The following APC2 variants were observed in gnomAD, a reference collection of about 807,000 sequenced individuals.
APC2 encodes the protein adenomatous polyposis coli protein 2.
A neutral mutation model predicts 72.5 loss-of-function variants in APC2; 41 were observed. That is an observed-to-expected ratio of 0.57 (90% confidence interval 0.44 to 0.73). APC2 has a LOEUF of 0.73. Ranked by LOEUF, APC2 falls within the 30% of genes least tolerant of loss-of-function variation. The pLI, the probability that APC2 is intolerant of heterozygous loss-of-function variation, is 0.00. For synonymous variants in APC2, 1,898 were observed against 1,612.0 expected (o/e 1.18, Z -4.25); for missense variants, 3,729 against 3,403.4 (o/e 1.10, Z -2.38).
Position 1,455,496 on chromosome 19 carries a change from C to T in APC2, c.635C>T (p.Ala212Val), listed in dbSNP as rs1405910547. ...FGTSDEMVQRAQIRASRLEQI... is the reference protein window; with the variant it reads ...FGTSDEMVQRVQIRASRLEQI... The stretch of plus-strand genomic sequence containing the variant: ...ACCTCGGACGAGATGGTGCAGCGGG[C>T]ACAGGTGCGGCGGTGGGCGGGGTGG... The change falls in exon 6 of 15, where the codon GCA becomes GTA. Residue 212 changes from alanine (A) to valine (V), a missense_variant. Transcript: ENST00000590469. 1 of 1,600,346 alleles carries T rather than the reference C, an allele frequency of 6.2e-7. No homozygotes were observed. The highest frequency in any genetic ancestry group is 1.1e-5 in the South Asian group (1 of 89,332).
Position 1,468,859 on chromosome 19 carries a change from C to T in APC2, c.5558C>T (p.Ala1853Val). Residue 1853 changes from alanine to valine, a missense_variant, in exon 15 of 15, where the codon GCG (alanine) becomes GTG (valine). By Grantham distance (64) the Ala-to-Val change is moderately conservative (BLOSUM62 0). Transcript: ENST00000590469. ...LHRPAKTSEL[A>V]TLSQPPRSAT... is the part of the protein sequence containing the mutation. ...CGGCCTGCCAAGACCTCGGAGCTGG[C>T]GACGCTGAGCCAGCCCCCCAGAAGC... 3 of 1,544,654 alleles carry T rather than the reference C, an allele frequency of 1.9e-6. No homozygotes were observed. Among genetic ancestry groups the T allele is most frequent in the Non-Finnish European group, 2.6e-6 (3 of 1,152,772 alleles).
At chr19:1,450,512 C>G (rs937542126) in intron 1 of APC2, among the ~76,000 whole-genome samples, 174 bp downstream of exon 1, 8 of 152,212 alleles carry the variant, frequency 5.3e-5, no homozygotes, top group African/African-American at 1.7e-4. Flanking sequence ...TTTCTGCAGC[C>G]GGTCCTGCGC....
In APC2 at chr19:1,456,966, C is replaced by T. The variant is rs1361687898; in HGVS notation, c.930C>T (p.Arg310=). 2 of 1,539,860 alleles carry T rather than the reference C, an allele frequency of 1.3e-6. No homozygotes were observed. The highest frequency in any genetic ancestry group is 1.7e-6 in the Non-Finnish European group (2 of 1,149,384). ...CCGAGAGCTGCGTGGCCATGCGCCG[C>T]TCGGGCTGTCTGCCTCTGCTGCTGC... ...SSPESCVAMR[R]SGCLPLLLQI... The change falls in exon 9 of 15, where the codon CGC becomes CGT. Residue 310 remains arginine, a synonymous_variant. Coordinates refer to ENST00000590469, the MANE Select transcript of APC2 (RefSeq NM_005883.3).
At chr19:1,450,056 C>A (rs888076560), upstream of APC2, 2 of 889,518 alleles carry the variant, frequency 2.2e-6, no homozygotes, top group Non-Finnish European at 2.7e-6. Context: ...ATGGCACCAG[C>A]CCGTCTTCCC....
intron 10 of APC2, 65 bp downstream of exon 10, chr19:1,458,125 C>G (rs142105979): frequency 1.4e-6 from 2 of 1,422,706 alleles, no homozygotes; most frequent in South Asian, 2.5e-5. Flanking sequence ...GCTCCTCGGC[C>G]GCTAAAGGGA....
rs1437371397 is a variant in APC2 at position 1,465,954 on chromosome 19, C to T, written c.2653C>T (p.Arg885Trp). ...SSGDPGQEAP[R>W]EGRAQSCSPC... is the part of the protein sequence containing the mutation. ...TGGAGACCCGGGACAGGAGGCGCCACGGGAGGGCCGCGCCCAGTCCTGCTC... is the reference window on the plus strand; with the variant it reads ...TGGAGACCCGGGACAGGAGGCGCCATGGGAGGGCCGCGCCCAGTCCTGCTC... Residue 885 changes from arginine (R) to tryptophan (W), a missense_variant, in exon 15 of 15, where the codon CGG (arginine) becomes TGG (tryptophan). Arg to Trp is a moderately radical substitution (Grantham distance 101). Transcript: ENST00000590469. 3.2e-6 allele frequency: 5 copies of T among 1,575,518 alleles called. No homozygotes were observed. The highest frequency in any genetic ancestry group is 3.4e-6 in the Non-Finnish European group (4 of 1,167,250).
rs1378895969 is a variant in APC2 at position 1,453,109 on chromosome 19, G to A, written c.108G>A (p.Leu36=). Residue 36 remains leucine, a synonymous_variant, in exon 2 of 15, where the codon CTG becomes CTA. Coordinates refer to ENST00000590469, the MANE Select transcript of APC2 (RefSeq NM_005883.3). ...RQELRDNSSH[L]SKLETETSGM... ...AGCTAAGGGACAACTCCAGCCACCT[G>A]TCCAAGCTGGAGACAGAGACGTCGG... 1 of 1,607,284 alleles carries A rather than the reference G, an allele frequency of 6.2e-7. No individual in the cohort carries two copies. The highest frequency in any genetic ancestry group is 8.5e-7 in the Non-Finnish European group (1 of 1,177,644).
In APC2 at chr19:1,460,856, A is replaced by G; in HGVS notation, c.1520A>G (p.Gln507Arg). Residue 507 changes from glutamine to arginine, a missense_variant and splice_region_variant, in exon 12 of 15, where the codon CAG becomes CGG. Gln to Arg is a conservative substitution (Grantham distance 43). Transcript: ENST00000590469. ...QLASDSEELH[Q>R]VVSSILRNLS... Reference sequence around the variant, plus strand: ...GCCTCCGACAGTGAGGAGCTCCACCAGGTACAGGGCGGGGTGCTGGGAAAG... The same window carrying G: ...GCCTCCGACAGTGAGGAGCTCCACCGGGTACAGGGCGGGGTGCTGGGAAAG... 1 of 1,613,224 alleles carries G rather than the reference A, an allele frequency of 6.2e-7. No homozygotes were observed. Among genetic ancestry groups the G allele is most frequent in the Non-Finnish European group, 8.5e-7 (1 of 1,179,944 alleles).
rs907200838 is a variant in APC2, at chr19:1,466,184, G to A, written c.2883G>A (p.Gln961=). 1.9e-6 allele frequency: 3 copies of A among 1,562,242 alleles called. No individual in the cohort carries two copies. Among genetic ancestry groups the A allele is most frequent in the African/African-American group, 1.4e-5 (1 of 72,094 alleles). Residue 961 remains glutamine (Q), a synonymous_variant, in exon 15 of 15, where the codon CAG becomes CAA. Coordinates refer to ENST00000590469, the MANE Select transcript of APC2 (RefSeq NM_005883.3). The part of the protein sequence containing the change: ...ASRREDPRCG[Q]PRPSRLDLDL... ...GCCGCGAGGACCCCAGGTGTGGGCA[G>A]CCTCGGCCCAGCCGGCTTGACCTTG...
rs139362583 is a variant in APC2, at chr19:1,463,049, G to A, written c.1853+872G>A. The stretch of plus-strand genomic sequence containing the variant: ...CCAGCACTTTGGGAGGCCGAGGTGG[G>A]CGGATCACCTGAGGTTGGGAGTTCA... On this transcript the variant is annotated intron_variant, in intron 14 of 14. Transcript: ENST00000590469. Among the ~76,000 whole-genome samples, 836 of 152,142 alleles carry A rather than the reference G, an allele frequency of 5.5e-3. 7 individuals are homozygous for A. Among genetic ancestry groups the A allele is most frequent in the African/African-American group, 0.019 (791 of 41,484 alleles).
upstream of APC2, among the ~76,000 whole-genome samples, chr19:1,446,497 G>T (rs1233307010): frequency 1.7e-5 from 2 of 116,282 alleles, no homozygotes; most frequent in African/African-American, 5.5e-5. The surrounding 1 kb of genome is among the most constrained non-coding windows in gnomAD (Gnocchi z 6.1). Flanking sequence ...TCGCCGTAGA[G>T]ACCGTTGCCG....
chr19:1,465,152 C>CA lies in APC2; in HGVS notation c.1854-2dup. 6.3e-7 allele frequency: 1 copy of CA among 1,594,996 alleles called. No individual in the cohort carries two copies. The highest frequency in any genetic ancestry group is 8.5e-7 in the Non-Finnish European group (1 of 1,171,718). On this transcript the variant is annotated splice_region_variant and splice_polypyrimidine_tract_variant and intron_variant, in intron 14 of 14. Coordinates refer to ENST00000590469, the MANE Select transcript of APC2 (RefSeq NM_005883.3). ...CCCAGGCTAACCCGCCCTGTGCCTA[C>CA]AGGCAGGTGCTCCGGGATCACAACT... is the stretch of plus-strand genomic sequence containing the variant.
rs1196857949 is a variant in APC2 at position 1,466,041 on chromosome 19, C to T, written c.2740C>T (p.Arg914Trp). 1.3e-6 allele frequency: 2 copies of T among 1,492,426 alleles called. No individual in the cohort carries two copies. The highest frequency in any genetic ancestry group is 2.4e-5 in the Admixed American group (1 of 41,322). 92.4% of individuals were successfully genotyped at this position (1,492,426 alleles called of 1,614,324 possible). ...EAGSRAHPLL[R>W]LKAAHASLSN... ...AGGAAGCCGGGCGCACCCGCTGCTGCGGCTCAAGGCGGCCCACGCCAGCCT... is the reference window on the plus strand; with the variant it reads ...AGGAAGCCGGGCGCACCCGCTGCTGTGGCTCAAGGCGGCCCACGCCAGCCT... The change falls in exon 15 of 15, where the codon CGG (arginine) becomes TGG (tryptophan). Residue 914 changes from arginine (R) to tryptophan (W), a missense_variant. Arg to Trp is a moderately radical substitution (Grantham distance 101). Transcript: ENST00000590469.
At position 1,465,446 on chromosome 19, in the gene APC2, G is replaced by A; in HGVS notation, c.2145G>A (p.Val715=). Residue 715 remains valine, a synonymous_variant, in exon 15 of 15, where the codon GTG becomes GTA. Transcript: ENST00000590469. ...CCGCCGTGTCCCCAGGCAGCTGCGT[G>A]CCCAGCCTGTACGTGCGCAAGCAGC... ...AATAVSPGSC[V]PSLYVRKQRA... 6.5e-7 allele frequency: 1 copy of A among 1,538,678 alleles called. No homozygotes were observed. The highest frequency in any genetic ancestry group is 8.7e-7 in the Non-Finnish European group (1 of 1,148,554).
chr19:1,456,852 G>T lies in APC2; in HGVS notation c.817-1G>T. 6.3e-7 allele frequency: 1 copy of T among 1,595,518 alleles called. No homozygotes were observed. The highest frequency in any genetic ancestry group is 8.5e-7 in the Non-Finnish European group (1 of 1,176,382). Reference sequence around the variant, plus strand: ...CCACCCTGACCCTGCCCTCCCCCCAGGTGGAGGTGGTCTTCTGGCTGTTGT... The same window carrying T: ...CCACCCTGACCCTGCCCTCCCCCCATGTGGAGGTGGTCTTCTGGCTGTTGT... On this transcript the variant is annotated splice_acceptor_variant, in intron 8 of 14. Transcript: ENST00000590469. LOFTEE classifies it high-confidence loss of function.
Position 1,468,434 on chromosome 19 carries a change from G to C in APC2, c.5133G>C (p.Ser1711=), listed in dbSNP as rs762186320. Residue 1711 remains serine (S), a synonymous_variant, in exon 15 of 15, where the codon TCG becomes TCC. Transcript: ENST00000590469. ...CAGCAGCTGCCACGCGGGAGGCCTC[G>C]TCCGAGTCCGACTCCATCCTGTCCT... is the stretch of plus-strand genomic sequence containing the variant. ...HQAAAATREA[S]SESDSILSFV... 20 of 1,592,062 alleles carry C rather than the reference G, an allele frequency of 1.3e-5. No individual in the cohort carries two copies. In the African/African-American group the frequency reaches 1.7e-4, roughly 14 times the overall value.
rs200862822 is a variant in APC2, at chr19:1,468,491, A to G, written c.5190A>G (p.Leu1730=). ...CCGGGCTGTCAGTGGGATCCACCCT[A>G]CAGCCCCCCAAGCACAGGAAGGGAC... ...FVSGLSVGST[L]QPPKHRKGRQ... The change falls in exon 15 of 15, where the codon CTA becomes CTG. Residue 1730 remains leucine, a synonymous_variant. Transcript: ENST00000590469. 2.4e-5 allele frequency: 38 copies of G among 1,604,932 alleles called. No individual in the cohort carries two copies. The highest frequency in any genetic ancestry group is 2.9e-5 in the Non-Finnish European group (34 of 1,177,078).
intron 4 of APC2, 130 bp from the exon 5 acceptor site, chr19:1,455,019 C>T: frequency 3.1e-6 from 1 of 320,542 alleles, no homozygotes; most frequent in Non-Finnish European, 5.8e-6. Flanking sequence ...CGGGGAGTGC[C>T]ACGGGAGAGA....
intron 10 of APC2, among the ~76,000 whole-genome samples, chr19:1,459,092 C>G (rs567853275): frequency 9.9e-5 from 15 of 152,226 alleles, no homozygotes; most frequent in African/African-American, 3.6e-4. Context: ...TCTGATGGAG[C>G]TAGGGACATC....
Sources: allele counts gnomAD v4.1 joint callset (sites outside exome capture counted in the v4.1 genomes callset), GRCh38; gene constraint gnomAD v4.1.1; non-coding constraint Gnocchi (gnomAD v3.1); transcripts MANE v1.5; gene names NCBI Gene and HGNC (gene_info 2026-07-23, HGNC 2026-07-21).